ARHGAP25: variants seen among roughly 807,000 people sequenced by gnomAD.
ARHGAP25 encodes the protein rho GTPase-activating protein 25.
A neutral mutation model predicts 71.0 loss-of-function variants in ARHGAP25; 34 were observed. The observed-to-expected ratio is 0.48, with a 90% CI of 0.36 to 0.64. The LOEUF (loss-of-function observed/expected upper bound fraction) is 0.64. ARHGAP25 is among the 30% of genes least tolerant of loss of function. The pLI, the probability that ARHGAP25 is intolerant of heterozygous loss-of-function variation, is 0.00. For synonymous variants in ARHGAP25, 282 were observed against 296.5 expected (o/e 0.95, Z 0.50); for missense variants, 706 against 805.1 (o/e 0.88, Z 1.49).
intron 1 of ARHGAP25, among the ~76,000 whole-genome samples, chr2:68,740,660 CAG>C (rs954913173): frequency 6.6e-6 from 1 of 152,206 alleles, no homozygotes; most frequent in African/African-American, 2.4e-5. Flanking sequence ...GCCATTTAAA[CAG>C]AGAAGTTTAC....
chr2:68,800,655 C>G (rs17035934), intron 4 of ARHGAP25, among the ~76,000 whole-genome samples: 18,369 of 152,128 alleles, frequency 0.12, 2,093 homozygotes, highest in African/African-American at 0.3. Context: ...AAATAAAGCA[C>G]TGAATATAGA....
intron 2 of ARHGAP25, among the ~76,000 whole-genome samples, chr2:68,779,301 TGCAATA>T (rs1415021024): frequency 6.6e-6 from 1 of 152,180 alleles, no homozygotes; most frequent in Non-Finnish European, 1.5e-5. Flanking sequence ...AGAAGAGACA[TGCAATA>T]GCACCACATT....
chr2:68,786,606 T>A (rs551544542), intron 3 of ARHGAP25, among the ~76,000 whole-genome samples: 2 of 152,354 alleles, frequency 1.3e-5, no homozygotes, highest in South Asian at 4.1e-4. Context: ...CTCAGGATAC[T>A]CTCAATGCCC....
In ARHGAP25 at chr2:68,822,626, A is replaced by T. The variant is rs910432799; in HGVS notation, c.1487A>T (p.Asp496Val). The T allele has an allele frequency of 3.7e-6, 6 of 1,613,792 alleles. No individual in the cohort carries two copies. Among genetic ancestry groups the T allele is most frequent in the Non-Finnish European group, 5.1e-6 (6 of 1,179,994 alleles). Reference sequence around the variant, plus strand: ...TCTCAAGACTTGCGCCAACTTTCTGACTCCCAACGGACTTCCACCTACGAT... The same window carrying T: ...TCTCAAGACTTGCGCCAACTTTCTGTCTCCCAACGGACTTCCACCTACGAT... ...TMSQDLRQLS[D>V]SQRTSTYDNV... Residue 496 changes from aspartate (D) to valine (V), a missense_variant, in exon 10 of 11, where the codon GAC (aspartate) becomes GTC (valine). Physicochemically the swap from Asp to Val is radical, Grantham distance 152 (BLOSUM62 -3). Transcript: ENST00000409202.
intron 5 of ARHGAP25, among the ~76,000 whole-genome samples, chr2:68,808,126 C>T (rs2103631446): frequency 6.6e-6 from 1 of 152,224 alleles, no homozygotes; most frequent in Middle Eastern, 3.4e-3. Context: ...CTTCTCCAGC[C>T]ACTCAGCTGA....
intron 8 of ARHGAP25, among the ~76,000 whole-genome samples, chr2:68,818,260 G>C (rs1190011967): frequency 6.6e-6 from 1 of 152,208 alleles, no homozygotes; most frequent in Non-Finnish European, 1.5e-5. Context: ...GTGTTTGTCA[G>C]TCTTTTATTA....
intron 8 of ARHGAP25, 123 bp from the exon 9 acceptor site, chr2:68,819,000 T>C: frequency 1.3e-6 from 1 of 789,842 alleles, no homozygotes; most frequent in Non-Finnish European, 2.0e-6. Context: ...AGAAGCAAAA[T>C]GAGGCCCTTC....
intron 2 of ARHGAP25, among the ~76,000 whole-genome samples, chr2:68,714,275 G>T (rs1674558578): frequency 6.6e-6 from 1 of 152,138 alleles, no homozygotes; most frequent in Admixed American, 6.5e-5. Context: ...TTTGCATAGA[G>T]GTGTTTATAG....
intron 2 of ARHGAP25, among the ~76,000 whole-genome samples, chr2:68,723,523 G>A (rs1573378466): frequency 6.6e-6 from 1 of 152,156 alleles, no homozygotes; most frequent in Non-Finnish European, 1.5e-5. Flanking sequence ...TAATATTATG[G>A]CTCCTGCATC....
In ARHGAP25 at chr2:68,768,645, A is replaced by G. The variant is rs187057460; in HGVS notation, c.62-6576A>G. Among the ~76,000 whole-genome samples, 63 of 152,288 alleles carry G rather than the reference A, an allele frequency of 4.1e-4. 1 individual carries two copies. The South Asian group carries it at 7.0e-3, about 17-fold the overall frequency. On this transcript the variant is annotated intron_variant, in intron 1 of 10. Coordinates refer to ENST00000409202, the MANE Select transcript of ARHGAP25 (RefSeq NM_001007231.3). ...TCTTTTCTTTGGTTCCTGAACGTCT[A>G]TGCAAATAACTTTTCTGGTCTGAGA...
intron 2 of ARHGAP25, among the ~76,000 whole-genome samples, chr2:68,722,520 G>A (rs1185159878): frequency 1.3e-5 from 2 of 150,396 alleles, no homozygotes; most frequent in African/African-American, 4.9e-5. Context: ...GGAGGCTGCA[G>A]TAAGCAGAGA....
chr2:68,760,938 C>CA (rs1676775297), intron 1 of ARHGAP25, among the ~76,000 whole-genome samples: 1 of 148,794 alleles, frequency 6.7e-6, no homozygotes, highest in South Asian at 2.1e-4. Context: ...TCACATAATT[C>CA]AAAAATTATA....
chr2:68,752,009 A>T (rs2280246), intron 1 of ARHGAP25, among the ~76,000 whole-genome samples: 1 of 152,032 alleles, frequency 6.6e-6, no homozygotes, highest in Non-Finnish European at 1.5e-5. Flanking sequence ...CATCCATTTC[A>T]TTAGCTTCAA....
At chr2:68,757,195 G>A (rs1023388716) in intron 1 of ARHGAP25, among the ~76,000 whole-genome samples, 5 of 152,126 alleles carry the variant, frequency 3.3e-5, no homozygotes, top group African/African-American at 1.2e-4. Flanking sequence ...AAGTGGACCA[G>A]CTTACTCATT....
intron 2 of ARHGAP25, among the ~76,000 whole-genome samples, chr2:68,711,204 C>T (rs1449303229): frequency 2.0e-5 from 3 of 152,152 alleles, no homozygotes; most frequent in Non-Finnish European, 2.9e-5. Context: ...TTGGTGCTGA[C>T]CTTCATGAAC....
At chr2:68,813,500 G>T (rs1362738892) in intron 6 of ARHGAP25, 81 bp downstream of exon 6, 5 of 1,492,386 alleles carry the variant, frequency 3.4e-6, no homozygotes, top group South Asian at 1.3e-5. Context: ...GCAACAGTGG[G>T]TCAAGGGGCC....
rs375050207 is a variant in ARHGAP25 at position 68,822,384 on chromosome 2, C to T, written c.1245C>T (p.Ser415=). The T allele has an allele frequency of 5.1e-5, 83 of 1,613,948 alleles. No homozygotes were observed. The highest frequency in any genetic ancestry group is 1.6e-4 in the East Asian group (7 of 44,896). The change falls in exon 10 of 11, where the codon AGC becomes AGT. Residue 415 remains serine, a synonymous_variant. Coordinates refer to ENST00000409202, the MANE Select transcript of ARHGAP25 (RefSeq NM_001007231.3). The part of the protein sequence containing the change: ...DTTSPTGQQP[S]DAFPEDSSKV... ...CCAGCCCCACCGGACAGCAGCCGAGCGATGCGTTTCCGGAGGACAGCAGCA... is the reference window on the plus strand; with the variant it reads ...CCAGCCCCACCGGACAGCAGCCGAGTGATGCGTTTCCGGAGGACAGCAGCA...
intron 4 of ARHGAP25, among the ~76,000 whole-genome samples, chr2:68,798,426 G>A (rs760044637): frequency 1.3e-5 from 2 of 151,578 alleles, no homozygotes; most frequent in Non-Finnish European, 2.9e-5. Flanking sequence ...TATTCATTTG[G>A]TCAACAACTC....
chr2:68,808,024 G>A (rs113136545), intron 5 of ARHGAP25, among the ~76,000 whole-genome samples: 9 of 152,134 alleles, frequency 5.9e-5, no homozygotes, highest in African/African-American at 1.4e-4. Context: ...TATCTTGGCC[G>A]CCTGGCATTC....
Sources: allele counts gnomAD v4.1 joint callset (sites outside exome capture counted in the v4.1 genomes callset), GRCh38; gene constraint gnomAD v4.1.1; transcripts MANE v1.5; gene names NCBI Gene and HGNC (gene_info 2026-07-23, HGNC 2026-07-21).